KAZN: variants seen among roughly 807,000 people sequenced by gnomAD.
KAZN encodes the protein kazrin.
A neutral mutation model predicts 87.4 loss-of-function variants in KAZN; 40 were observed. That is an observed-to-expected ratio of 0.46 (90% CI 0.36 to 0.60). The LOEUF is 0.60. KAZN is among the 20% of genes least tolerant of loss of function. The pLI is 0.00. For synonymous variants in KAZN, 466 were observed against 458.3 expected, an observed-to-expected ratio of 1.02 and a Z score of -0.22; for missense variants, 898 against 1,073.9, an observed-to-expected ratio of 0.84 and a Z score of 2.29.
chr1:14,226,419 A>G (rs1257998462), intron 2 of KAZN, among the ~76,000 whole-genome samples: 1 of 152,142 alleles, frequency 6.6e-6, no homozygotes, highest in African/African-American at 2.4e-5. Flanking sequence ...TGAAAAACAA[A>G]AAACAAAAAA....
intron 2 of KAZN, among the ~76,000 whole-genome samples, chr1:14,998,746 G>A (rs985408948): frequency 1.3e-5 from 2 of 152,090 alleles, no homozygotes; most frequent in African/African-American, 4.8e-5. Context: ...ACGGGGTTTC[G>A]CCATGTTGTT....
intron 1 of KAZN, among the ~76,000 whole-genome samples, chr1:14,736,547 G>A (rs574791128): frequency 1.8e-4 from 26 of 147,960 alleles, no homozygotes; most frequent in Middle Eastern, 3.4e-3. Context: ...CTCACCTCAG[G>A]TGATCCACCT....
chr1:15,047,256 C>T (rs890894156), intron 4 of KAZN, among the ~76,000 whole-genome samples: 2 of 152,206 alleles, frequency 1.3e-5, no homozygotes, highest in Non-Finnish European at 2.9e-5. Flanking sequence ...CTCCATTGCC[C>T]GCCATGCCTA....
intron 1 of KAZN, among the ~76,000 whole-genome samples, chr1:14,645,788 G>A (rs1480885092): frequency 1.3e-5 from 2 of 152,204 alleles, no homozygotes; most frequent in African/African-American, 2.4e-5. Flanking sequence ...ACTACGTTGA[G>A]TAGGAGTGGT....
At chr1:14,362,185 G>A (rs1416892983) in intron 2 of KAZN, among the ~76,000 whole-genome samples, 1 of 152,160 alleles carries the variant, frequency 6.6e-6, no homozygotes, top group Non-Finnish European at 1.5e-5. Flanking sequence ...ATGTCAACTT[G>A]GGCTGGGGTC....
At chr1:14,122,064 A>T (rs1644763600) in intron 1 of KAZN, among the ~76,000 whole-genome samples, 1 of 152,122 alleles carries the variant, frequency 6.6e-6, no homozygotes, top group Admixed American at 6.5e-5. Context: ...CAAAGGAGAG[A>T]TACAATCTGG....
At chr1:14,984,048 C>G (rs1021817014) in intron 2 of KAZN, among the ~76,000 whole-genome samples, 1 of 152,134 alleles carries the variant, frequency 6.6e-6, no homozygotes, top group African/African-American at 2.4e-5. Flanking sequence ...AGTAGTAATT[C>G]TGAAATTATT....
chr1:14,260,148 A>G (rs1174424307), intron 2 of KAZN, among the ~76,000 whole-genome samples: 1 of 152,158 alleles, frequency 6.6e-6, no homozygotes, highest in Non-Finnish European at 1.5e-5. Flanking sequence ...CACTCAACAA[A>G]TGTTTACTGA....
rs78888572 is a variant in KAZN at position 14,862,449 on chromosome 1, C to T, written c.227-98235C>T. 6.2e-4 allele frequency among the ~76,000 whole-genome samples: 95 copies of T among 152,262 alleles called. 1 individual carries two copies. Among genetic ancestry groups the T allele is most frequent in the African/African-American group, 2.2e-3 (92 of 41,552 alleles). ...CCTCCAATCAATTGAGCTCCTGTTC[C>T]AATCACACCTGGTAGGGATTTAATT... On this transcript the variant is annotated intron_variant, in intron 1 of 14. Transcript: ENST00000376030.
At chr1:14,574,457 G>A (rs992632161) in intron 2 of KAZN, among the ~76,000 whole-genome samples, 6 of 152,120 alleles carry the variant, frequency 3.9e-5, no homozygotes, top group Non-Finnish European at 1.5e-5. Context: ...ACTGGACTGT[G>A]GTAGTGAATA....
intron 1 of KAZN, among the ~76,000 whole-genome samples, chr1:14,148,100 G>C (rs2101790079): frequency 6.6e-6 from 1 of 151,894 alleles, no homozygotes; most frequent in African/African-American, 2.4e-5. Context: ...GGGCACCTGT[G>C]GTCCCAGCAG....
chr1:14,936,593 C>T (rs1032180318), intron 1 of KAZN, among the ~76,000 whole-genome samples: 4 of 152,266 alleles, frequency 2.6e-5, no homozygotes, highest in African/African-American at 9.6e-5. Flanking sequence ...GCCTCACCTA[C>T]CTGCTCCGCC....
rs561936419 is a variant in KAZN, at chr1:14,769,209, C to T, written c.226+169986C>T. On this transcript the variant is annotated intron_variant, in intron 1 of 14. Coordinates refer to ENST00000376030, the MANE Select transcript of KAZN (RefSeq NM_201628.3). The surrounding 1 kb of genome is among the most constrained non-coding windows in gnomAD (Gnocchi z 4.1). ...GTCATCAGTCCTTCACTCTGATAAG[C>T]TTGGCGTGCTAGTTTCCATGGACTT... Among the ~76,000 whole-genome samples, 1 of 152,296 alleles carries T rather than the reference C, an allele frequency of 6.6e-6. No homozygotes were observed. Among genetic ancestry groups the T allele is most frequent in the East Asian group, 1.9e-4 (1 of 5,166 alleles).
At chr1:13,990,108 T>C (rs1161703388) in intron 1 of KAZN, among the ~76,000 whole-genome samples, 7 of 152,204 alleles carry the variant, frequency 4.6e-5, no homozygotes, top group Non-Finnish European at 1.0e-4. Flanking sequence ...TTTAGAAAGA[T>C]CCCTGGAAGT....
At chr1:14,099,012 G>C (rs184729278) in intron 1 of KAZN, among the ~76,000 whole-genome samples, 3 of 152,144 alleles carry the variant, frequency 2.0e-5, no homozygotes, top group Non-Finnish European at 4.4e-5. Context: ...TGGAGCCTGG[G>C]CTAAGGCTTG....
At chr1:14,406,317 G>T (rs1289432154) in intron 2 of KAZN, among the ~76,000 whole-genome samples, 1 of 151,972 alleles carries the variant, frequency 6.6e-6, no homozygotes, top group Non-Finnish European at 1.5e-5. Flanking sequence ...AGTGGATAAA[G>T]AAACTGTGAT....
chr1:15,055,956 C>T (rs1020771070), intron 4 of KAZN, 135 bp from the exon 5 acceptor site: 25 of 816,002 alleles, frequency 3.1e-5, no homozygotes, highest in Non-Finnish European at 4.9e-5. Context: ...TACCAATTGA[C>T]GCTCGATGCC....
At chr1:14,065,472 T>C (rs1249237040) in intron 1 of KAZN, among the ~76,000 whole-genome samples, 1 of 152,108 alleles carries the variant, frequency 6.6e-6, no homozygotes, top group Non-Finnish European at 1.5e-5. Context: ...AAAGCATAAT[T>C]TGAATCTTTT....
chr1:14,231,395 A>AT (rs59052013), intron 2 of KAZN, among the ~76,000 whole-genome samples: 38 of 151,432 alleles, frequency 2.5e-4, no homozygotes, highest in African/African-American at 5.6e-4. Context: ...GCTCTATCTC[A>AT]TTTTTTTTTT....
Sources: allele counts gnomAD v4.1 joint callset (sites outside exome capture counted in the v4.1 genomes callset), GRCh38; gene constraint gnomAD v4.1.1; non-coding constraint Gnocchi (gnomAD v3.1); transcripts MANE v1.5; gene names NCBI Gene and HGNC (gene_info 2026-07-23, HGNC 2026-07-21).